SLC29A3: variants seen among roughly 807,000 people sequenced by gnomAD.
SLC29A3 encodes the protein solute carrier family 29 member 3.
SLC29A3 carries 18 observed loss-of-function variants against 25.4 expected under a neutral mutation model. That is an observed-to-expected ratio of 0.71 (90% CI 0.49 to 1.05). SLC29A3 has a LOEUF of 1.05. Among genes scored for constraint, SLC29A3 ranks in the 50% least tolerant of loss-of-function variants. The pLI, the probability that SLC29A3 is intolerant of heterozygous loss-of-function variation, is 0.00. For missense variants in SLC29A3, 586 were observed against 609.0 expected, an observed-to-expected ratio of 0.96 and a Z score of 0.40; for synonymous variants, 258 against 267.1, an observed-to-expected ratio of 0.97 and a Z score of 0.33.
chr10:71,343,944 C>A (rs1042725628), intron 2 of SLC29A3, among the ~76,000 whole-genome samples: 5 of 152,212 alleles, frequency 3.3e-5, no homozygotes, highest in Non-Finnish European at 2.9e-5. Flanking sequence ...AAGGGCCTCA[C>A]TGGGGACAGG....
rs573966297 is a variant in SLC29A3, at chr10:71,357,346, C to T, written c.773+1103C>T. 1.8e-3 allele frequency among the ~76,000 whole-genome samples: 270 copies of T among 151,960 alleles called. 3 individuals are homozygous for T. Among genetic ancestry groups the T allele is most frequent in the African/African-American group, 5.2e-3 (216 of 41,450 alleles). On this transcript the variant is annotated intron_variant, in intron 5 of 5. Coordinates refer to ENST00000373189, the MANE Select transcript of SLC29A3 (RefSeq NM_018344.6). Reference sequence around the variant, plus strand: ...AAGAGAATGGTGTGAACCTGGGAGACGGAGCTTGCAGTGAGCTGAGATCGC... The same window carrying T: ...AAGAGAATGGTGTGAACCTGGGAGATGGAGCTTGCAGTGAGCTGAGATCGC...
chr10:71,340,709 C>T (rs1042143441), intron 2 of SLC29A3, among the ~76,000 whole-genome samples: 8 of 152,128 alleles, frequency 5.3e-5, no homozygotes, highest in Admixed American at 3.9e-4. Context: ...TTCACATTTC[C>T]GTAAGTAAAA....
intron 3 of SLC29A3, among the ~76,000 whole-genome samples, chr10:71,348,989 C>T (rs1002240480): frequency 3.9e-5 from 6 of 152,148 alleles, no homozygotes; most frequent in African/African-American, 1.4e-4. Flanking sequence ...TGGAGCATGG[C>T]TGAGCAGGAG....
chr10:71,322,906 G>A lies in SLC29A3; in HGVS notation c.152G>A (p.Cys51Tyr). Residue 51 changes from cysteine (C) to tyrosine (Y), a missense_variant, in exon 2 of 6, where the codon TGT becomes TAT. Cys to Tyr is a radical substitution (Grantham distance 194). Transcript: ENST00000373189. ...PGLQRPEDRF[C>Y]GTYIIFFSLG... ...CTGCAGAGGCCCGAGGACCGCTTCTGTGGCACATACATCATCTTCTTCAGC... is the reference window on the plus strand; with the variant it reads ...CTGCAGAGGCCCGAGGACCGCTTCTATGGCACATACATCATCTTCTTCAGC... 1 of 1,614,236 alleles carries A rather than the reference G, an allele frequency of 6.2e-7. No homozygotes were observed. The highest frequency in any genetic ancestry group is 8.5e-7 in the Non-Finnish European group (1 of 1,180,052).
chr10:71,348,117 C>A (rs575211800), intron 3 of SLC29A3, among the ~76,000 whole-genome samples: 1 of 152,248 alleles, frequency 6.6e-6, no homozygotes, highest in Non-Finnish European at 1.5e-5. Flanking sequence ...CTCCCCACCC[C>A]CGGGTGCTAC....
In SLC29A3 at chr10:71,362,758, G is replaced by T; in HGVS notation, c.*150G>T. 1.0e-6 allele frequency: 1 copy of T among 960,222 alleles called. No homozygotes were observed. Among genetic ancestry groups the T allele is most frequent in the Non-Finnish European group, 1.6e-6 (1 of 618,216 alleles). 59.5% of individuals were successfully genotyped at this position (960,222 alleles called of 1,614,324 possible). ...GGGCCTCATCCCTCCCAAGATGCCA[G>T]TGAGCCACGTCCATGCCCATTCCGT... On this transcript the variant is annotated 3_prime_UTR_variant, in exon 6 of 6. Transcript: ENST00000373189.
At position 71,344,191 on chromosome 10, in the gene SLC29A3, T is replaced by C; in HGVS notation, c.301-18T>C. 6.2e-7 allele frequency: 1 copy of C among 1,606,838 alleles called. No individual in the cohort carries two copies. Among genetic ancestry groups the C allele is most frequent in the Non-Finnish European group, 8.5e-7 (1 of 1,173,408 alleles). Reference sequence around the variant, plus strand: ...ATCCCTGAGTGACCGCAGCACCTCCTCACTTGTGTGCTTGCAGAACTACTT... The same window carrying C: ...ATCCCTGAGTGACCGCAGCACCTCCCCACTTGTGTGCTTGCAGAACTACTT... On this transcript the variant is annotated intron_variant, in intron 2 of 5. Coordinates refer to ENST00000373189, the MANE Select transcript of SLC29A3 (RefSeq NM_018344.6).
At chr10:71,374,300 C>T (rs1847233693) in intron 3 of SLC29A3, among the ~76,000 whole-genome samples, 1 of 152,170 alleles carries the variant, frequency 6.6e-6, no homozygotes, top group Non-Finnish European at 1.5e-5. Context: ...TAGGGGGCTC[C>T]CTTTCCTCTC....
chr10:71,340,425 G>T (rs990705895), intron 2 of SLC29A3, among the ~76,000 whole-genome samples: 1 of 152,178 alleles, frequency 6.6e-6, no homozygotes, highest in Admixed American at 6.5e-5. Flanking sequence ...GCTCCCTGAC[G>T]ATCTTCTCAT....
chr10:71,349,273 T>C (rs1439681716), intron 3 of SLC29A3, among the ~76,000 whole-genome samples: 3 of 152,178 alleles, frequency 2.0e-5, no homozygotes, highest in Admixed American at 6.5e-5. Flanking sequence ...CAGGTCCACC[T>C]TTAGGCATCT....
At chr10:71,372,924 G>A (rs1847222317) in intron 3 of SLC29A3, among the ~76,000 whole-genome samples, 1 of 152,130 alleles carries the variant, frequency 6.6e-6, no homozygotes, top group South Asian at 2.1e-4. Flanking sequence ...AGGGGCGGGG[G>A]CGAGACAGTG....
At chr10:71,341,211 G>C (rs536641031) in intron 2 of SLC29A3, among the ~76,000 whole-genome samples, 1 of 152,078 alleles carries the variant, frequency 6.6e-6, no homozygotes, top group East Asian at 1.9e-4. Context: ...CTCTCTGTGG[G>C]GGTCAGCTCC....
chr10:71,365,686 C>T (rs907919440), downstream of SLC29A3: 2 of 151,992 alleles, frequency 1.3e-5, no homozygotes, highest in African/African-American at 4.8e-5. Context: ...AATAAAAATC[C>T]ATCTCCAGGC....
At chr10:71,373,956 A>T (rs1408115207) in intron 3 of SLC29A3, among the ~76,000 whole-genome samples, 1 of 152,226 alleles carries the variant, frequency 6.6e-6, no homozygotes, top group African/African-American at 2.4e-5. Flanking sequence ...GGGACTGAGC[A>T]GAATTCTGAG....
At chr10:71,329,280 T>C (rs10999777) in intron 2 of SLC29A3, among the ~76,000 whole-genome samples, 19,978 of 152,060 alleles carry the variant, frequency 0.13, 1,954 homozygotes, top group African/African-American at 0.28. Flanking sequence ...CAGCCCTGGC[T>C]GCACATCGGG....
intron 2 of SLC29A3, among the ~76,000 whole-genome samples, chr10:71,324,037 GA>G (rs1239782353): frequency 3.3e-5 from 5 of 151,996 alleles, no homozygotes; most frequent in African/African-American, 4.8e-5. Flanking sequence ...GAGGATTAAG[GA>G]AAAAAATTAT....
chr10:71,333,463 CTG>C (rs928641494), intron 2 of SLC29A3, among the ~76,000 whole-genome samples: 2 of 152,250 alleles, frequency 1.3e-5, no homozygotes, highest in Non-Finnish European at 1.5e-5. Context: ...CGGGAGCAGT[CTG>C]TTGTTGAGGA....
intron 1 of SLC29A3, chr10:71,319,642 G>A (rs1845802601): frequency 3.2e-6 from 1 of 312,408 alleles, no homozygotes; most frequent in African/African-American, 2.2e-5. Flanking sequence ...TCCCAGCTGC[G>A]GGGCCTGAGG....
At chr10:71,380,268 C>T (rs182561998) in exon 5 of SLC29A3, 3 of 152,312 alleles carry the variant, frequency 2.0e-5, no homozygotes, top group Admixed American at 2.0e-4. Context: ...CAATTTTTCT[C>T]CCTGCGATGT....
Sources: gnomAD v4.1 joint callset for allele counts (sites outside exome capture counted in the v4.1 genomes callset) on GRCh38, gnomAD v4.1.1 for gene constraint, MANE v1.5 for transcripts, NCBI Gene and HGNC (gene_info 2026-07-23, HGNC 2026-07-21) for gene names.